Variants in CUEDC1 observed in about 807,000 individuals in gnomAD.
CUEDC1 encodes CUE domain containing 1, also known as CUE domain-containing protein 1.
In CUEDC1, 30 loss-of-function variants were observed where a neutral mutation model predicts 43.7. The ratio of observed to expected loss-of-function variants is 0.69; its 90% confidence interval spans 0.51 to 0.93. The LOEUF (loss-of-function observed/expected upper bound fraction) is 0.93, where lower values mean the gene tolerates loss of function less well. Among genes scored for constraint, CUEDC1 ranks in the 40% least tolerant of loss-of-function variants. The pLI is 0.00. For synonymous variants in CUEDC1, 223 were observed against 223.6 expected (o/e 1.00, Z 0.02); for missense variants, 486 against 549.0 (o/e 0.89, Z 1.15).
chr17:57,871,436 G>T, intron 5 of CUEDC1, 67 bp from the exon 6 acceptor site: 1 of 1,357,474 alleles, frequency 7.4e-7, no homozygotes. Flanking sequence ...AGGCTGGGCT[G>T]GGACACGGTA....
At chr17:57,952,926 G>A (rs1226135935) in intron 1 of CUEDC1, among the ~76,000 whole-genome samples, 1 of 151,238 alleles carries the variant, frequency 6.6e-6, no homozygotes, top group African/African-American at 2.4e-5. Flanking sequence ...CAGCAGCCCA[G>A]GACCCAGTGA....
intron 8 of CUEDC1, 51 bp from the exon 9 acceptor site, chr17:57,867,466 A>AGT: frequency 1.4e-6 from 2 of 1,473,156 alleles, no homozygotes; most frequent in South Asian, 2.4e-5. Flanking sequence ...ACACTGCCCT[A>AGT]GTCCTCCCAG....
chr17:57,864,522 G>C (rs2073928239), intron 10 of CUEDC1, among the ~76,000 whole-genome samples: 2 of 152,140 alleles, frequency 1.3e-5, no homozygotes, highest in South Asian at 4.1e-4. Context: ...GCAGCTTCAG[G>C]AGAGATCAGG....
chr17:57,904,999 G>T (rs922304170), intron 1 of CUEDC1, among the ~76,000 whole-genome samples: 1 of 152,146 alleles, frequency 6.6e-6, no homozygotes, highest in Non-Finnish European at 1.5e-5. Context: ...TGATTATACA[G>T]TTTACGGATT....
intron 1 of CUEDC1, among the ~76,000 whole-genome samples, chr17:57,926,473 T>C (rs1471069843): frequency 6.6e-6 from 1 of 150,804 alleles, no homozygotes; most frequent in Admixed American, 6.7e-5. Context: ...CGGTGAGAAA[T>C]GTATGGGATG....
intron 1 of CUEDC1, among the ~76,000 whole-genome samples, chr17:57,907,637 G>C (rs12948131): frequency 0.37 from 55,610 of 151,908 alleles, 10,658 homozygotes; most frequent in African/African-American, 0.43. Flanking sequence ...CTTGAGGTCA[G>C]GAGTTCGATA....
At chr17:57,907,975 A>G (rs1300254974) in intron 1 of CUEDC1, among the ~76,000 whole-genome samples, 1 of 152,196 alleles carries the variant, frequency 6.6e-6, no homozygotes, top group Non-Finnish European at 1.5e-5. Context: ...AGAATAGGGA[A>G]TAAGATAAAA....
chr17:57,926,752 T>A (rs1195396184), intron 1 of CUEDC1, among the ~76,000 whole-genome samples: 1 of 152,218 alleles, frequency 6.6e-6, no homozygotes, highest in Non-Finnish European at 1.5e-5. Context: ...TTCAGGACAA[T>A]ATGCAAATTA....
chr17:57,887,136 A>G (rs2074301152), intron 1 of CUEDC1, among the ~76,000 whole-genome samples: 1 of 151,948 alleles, frequency 6.6e-6, no homozygotes, highest in African/African-American at 2.4e-5. Flanking sequence ...TTCTGTTCTT[A>G]TCCCCACCAA....
At chr17:57,890,335 G>A in intron 1 of CUEDC1, among the ~76,000 whole-genome samples, 1 of 152,234 alleles carries the variant, frequency 6.6e-6, no homozygotes, top group East Asian at 1.9e-4. Context: ...TGGTAGCAAG[G>A]TCTCTTGGCT....
chr17:57,939,282 T>C (rs1164127915), intron 1 of CUEDC1, among the ~76,000 whole-genome samples: 1 of 151,274 alleles, frequency 6.6e-6, no homozygotes, highest in East Asian at 2.0e-4. Flanking sequence ...TTTTATTTTT[T>C]TGAGACGAGA....
rs994911001 is a variant in CUEDC1 at position 57,872,660 on chromosome 17, C to A, written c.784+3G>T. 6.2e-7 allele frequency: 1 copy of A among 1,613,664 alleles called. No individual in the cohort carries two copies. Among genetic ancestry groups the A allele is most frequent in the Non-Finnish European group, 8.5e-7 (1 of 1,179,978 alleles). ...GGGAGAAGTGGCTGCAGGCGCTGCC[C>A]ACCTCTCTCCAGAGCGAGGAGGAAG... On this transcript the variant is annotated splice_donor_region_variant and intron_variant, in intron 5 of 10. Coordinates refer to ENST00000577830, the MANE Select transcript of CUEDC1 (RefSeq NM_001271875.2).
At chr17:57,943,055 C>A (rs2074931329) in intron 1 of CUEDC1, among the ~76,000 whole-genome samples, 3 of 152,130 alleles carry the variant, frequency 2.0e-5, no homozygotes, top group African/African-American at 7.2e-5. Flanking sequence ...AAAATGATCA[C>A]TGCTATATGT....
At chr17:57,866,209 T>C (rs1292384884) in intron 10 of CUEDC1, among the ~76,000 whole-genome samples, 4 of 152,216 alleles carry the variant, frequency 2.6e-5, no homozygotes, top group Non-Finnish European at 5.9e-5. Flanking sequence ...AGGTCAAAGC[T>C]GATTTTGTTT....
chr17:57,880,661 C>T (rs2074191490), intron 2 of CUEDC1, among the ~76,000 whole-genome samples: 1 of 152,174 alleles, frequency 6.6e-6, no homozygotes, highest in Non-Finnish European at 1.5e-5. Context: ...AAACACATGG[C>T]TACCTCTGAC....
chr17:57,929,245 C>A (rs1156305880), intron 1 of CUEDC1, among the ~76,000 whole-genome samples: 1 of 152,130 alleles, frequency 6.6e-6, no homozygotes, highest in Non-Finnish European at 1.5e-5. Flanking sequence ...AATCCTCACC[C>A]CTGCCCTATG....
intron 1 of CUEDC1, among the ~76,000 whole-genome samples, chr17:57,953,085 G>A (rs1598032355): frequency 1.3e-5 from 2 of 152,218 alleles, no homozygotes; most frequent in East Asian, 3.9e-4. Context: ...GGACAATTCT[G>A]CCCCAAGACC....
chr17:57,870,179 G>A (rs1279175510), intron 6 of CUEDC1, among the ~76,000 whole-genome samples: 1 of 152,218 alleles, frequency 6.6e-6, no homozygotes, highest in Non-Finnish European at 1.5e-5. Context: ...GGCAGCTTGT[G>A]TACATGTGGG....
At chr17:57,933,452 C>A (rs534753074) in intron 1 of CUEDC1, among the ~76,000 whole-genome samples, 90 of 152,242 alleles carry the variant, frequency 5.9e-4, no homozygotes, top group Admixed American at 2.2e-3. Flanking sequence ...AGTTCATGAG[C>A]CCCCCTCCAC....
Sources: gnomAD v4.1 joint callset for allele counts (sites outside exome capture counted in the v4.1 genomes callset) on GRCh38, gnomAD v4.1.1 for gene constraint, MANE v1.5 for transcripts, NCBI Gene and HGNC (gene_info 2026-07-23, HGNC 2026-07-21) for gene names.